The following PPT2 variants were observed in gnomAD, a reference collection of about 807,000 sequenced individuals.
PPT2 encodes lysosomal thioesterase PPT2.
PPT2 carries 20 observed loss-of-function variants against 37.3 expected under a neutral mutation model. That is an observed-to-expected ratio of 0.54 (90% CI 0.38 to 0.78). The LOEUF is 0.78. PPT2 is among the 30% of genes least tolerant of loss of function. The pLI, the probability that PPT2 is intolerant of heterozygous loss-of-function variation, is 0.00. For synonymous variants in PPT2, 135 were observed against 159.1 expected, an observed-to-expected ratio of 0.85 and a Z score of 1.14; for missense variants, 270 against 389.8, an observed-to-expected ratio of 0.69 and a Z score of 2.59.
rs1783697125 is a variant in PPT2 at position 32,155,367 on chromosome 6, G to C, written c.337+184G>C. On this transcript the variant is annotated intron_variant, in intron 3 of 8. Transcript: ENST00000324816. This position sits in a 1 kb window ranked among gnomAD's most constrained non-coding sequence, Gnocchi z 4.3. Reference sequence around the variant, plus strand: ...CATCTCTGTCTTGAATGGGAGGGAGGCTCCCTACACTGCTGCCCTTTTGCT... The same window carrying C: ...CATCTCTGTCTTGAATGGGAGGGAGCCTCCCTACACTGCTGCCCTTTTGCT... Among the ~76,000 whole-genome samples, 1 of 151,716 alleles carries C rather than the reference G, an allele frequency of 6.6e-6. No individual in the cohort carries two copies.
Position 32,157,890 on chromosome 6 carries a change from C to A in PPT2, c.676C>A (p.Pro226Thr). Residue 226 changes from proline to threonine, a missense_variant, in exon 7 of 9, where the codon CCT (proline) becomes ACT (threonine). Physicochemically the swap from Pro to Thr is conservative, Grantham distance 38. Coordinates refer to ENST00000324816, the MANE Select transcript of PPT2 (RefSeq NM_005155.7). ...GGGCCACCTGGTGCTGATTGGGGGC[C>A]CTGATGATGGTGTTATTACTCCCTG... ...RVGHLVLIGGPDDGVITPWQS... is the reference protein window; with the variant it reads ...RVGHLVLIGGTDDGVITPWQS... 6.2e-7 allele frequency: 1 copy of A among 1,612,714 alleles called. No individual in the cohort carries two copies. The highest frequency in any genetic ancestry group is 8.5e-7 in the Non-Finnish European group (1 of 1,179,766).
rs528752823 is a variant in PPT2 at position 32,162,882 on chromosome 6, A to G, written c.841A>G (p.Ile281Val). ...CATAGTGAGGTGTCCAATGGCCGGT[A>G]TCTCCCACACAGCCTGGCACTCCAA... is the stretch of plus-strand genomic sequence containing the variant. ...GAIVRCPMAGISHTAWHSNRT... is the reference protein window; with the variant it reads ...GAIVRCPMAGVSHTAWHSNRT... The change falls in exon 9 of 9, where the codon ATC becomes GTC. Residue 281 changes from isoleucine to valine, a missense_variant. Transcript: ENST00000324816. The surrounding 1 kb of genome is among the most constrained non-coding windows in gnomAD (Gnocchi z 5.5). 1.9e-6 allele frequency: 3 copies of G among 1,613,928 alleles called. No individual in the cohort carries two copies. The highest frequency in any genetic ancestry group is 2.7e-5 in the African/African-American group (2 of 75,028).
chr6:32,162,777 T>G lies in PPT2; in HGVS notation c.766-30T>G, dbSNP rs751389143. The stretch of plus-strand genomic sequence containing the variant: ...TGTCTCTCCTTGTGTCTCTCTTCCA[T>G]GCTTCCACGCCCCTTCGACCACCTT... On this transcript the variant is annotated intron_variant, in intron 8 of 8. Transcript: ENST00000324816. This position sits in a 1 kb window ranked among gnomAD's most constrained non-coding sequence, Gnocchi z 5.5. 5 of 1,610,684 alleles carry G rather than the reference T, an allele frequency of 3.1e-6. No individual in the cohort carries two copies. Among genetic ancestry groups the G allele is most frequent in the Non-Finnish European group, 4.2e-6 (5 of 1,177,950 alleles).
intron 7 of PPT2, 150 bp downstream of exon 7, chr6:32,158,074 G>A: frequency 1.5e-6 from 1 of 665,124 alleles, no homozygotes; most frequent in East Asian, 2.7e-5. Context: ...CCAAAACCTG[G>A]GAGTCATATC....
At position 32,154,417 on chromosome 6, in the gene PPT2, G is replaced by C; in HGVS notation, c.-9+13G>C. 1 of 1,457,974 alleles carries C rather than the reference G, an allele frequency of 6.9e-7. No homozygotes were observed. Among genetic ancestry groups the C allele is most frequent in the Non-Finnish European group, 9.0e-7 (1 of 1,111,814 alleles). 90.3% of individuals were successfully genotyped at this position (1,457,974 alleles called of 1,614,324 possible). A position where few individuals can be genotyped will look rare whatever the true frequency, so the allele number is the denominator to read the frequency against. Reference sequence around the variant, plus strand: ...CGGGTGCGCGTTGGTGCGTCAACGTGGTGGGGGGGTGTGTTTGTAGGGAGA... The same window carrying C: ...CGGGTGCGCGTTGGTGCGTCAACGTCGTGGGGGGGTGTGTTTGTAGGGAGA... On this transcript the variant is annotated intron_variant, in intron 1 of 8. Transcript: ENST00000324816. The surrounding 1 kb of genome is among the most constrained non-coding windows in gnomAD (Gnocchi z 7.3).
Position 32,155,718 on chromosome 6 carries a change from T to A in PPT2, c.368T>A (p.Val123Asp), listed in dbSNP as rs762231614. ...CTTGTGTGCCGGGCTCTGCTTTCTG[T>A]CATGGATGATCACAACGTGGATTCT... Reference protein sequence around the residue: ...GGLVCRALLSVMDDHNVDSFI... With the variant: ...GGLVCRALLSDMDDHNVDSFI... Residue 123 changes from valine (V) to aspartate (D), a missense_variant, in exon 4 of 9, where the codon GTC (valine) becomes GAC (aspartate). Coordinates refer to ENST00000324816, the MANE Select transcript of PPT2 (RefSeq NM_005155.7). The surrounding 1 kb of genome is among the most constrained non-coding windows in gnomAD (Gnocchi z 4.3). 6.2e-7 allele frequency: 1 copy of A among 1,614,062 alleles called. No homozygotes were observed. The highest frequency in any genetic ancestry group is 1.1e-5 in the South Asian group (1 of 91,086).
chr6:32,154,891 G>T lies in PPT2; in HGVS notation c.183+114G>T. 1 of 1,527,152 alleles carries T rather than the reference G, an allele frequency of 6.5e-7. No individual in the cohort carries two copies. The highest frequency in any genetic ancestry group is 8.9e-7 in the Non-Finnish European group (1 of 1,121,958). The allele number at this position is 1,527,152 out of a possible 1,614,324, so 94.6% of individuals were successfully genotyped here. ...GGCCTGCCCAGTTCCTCAGGGAGCT[G>T]GTGCTGGCGTGGGGGAGAGTTGGGG... is the stretch of plus-strand genomic sequence containing the variant. On this transcript the variant is annotated intron_variant, in intron 2 of 8. Transcript: ENST00000324816. This position sits in a 1 kb window ranked among gnomAD's most constrained non-coding sequence, Gnocchi z 7.3.
Position 32,155,181 on chromosome 6 carries a change from AG to A in PPT2, c.337+1del. On this transcript the variant is annotated frameshift_variant and splice_region_variant, in exon 3 of 9. Coordinates refer to ENST00000324816, the MANE Select transcript of PPT2 (RefSeq NM_005155.7). LOFTEE classifies it high-confidence loss of function. This position sits in a 1 kb window ranked among gnomAD's most constrained non-coding sequence, Gnocchi z 4.3. ...PQGVHLICYS[Q>X]GGLVCRALLS... ...GGGGTGCATCTCATCTGCTACTCGC[AG>A]GGTAGGCGACTCCCCTGCCCCTAAC... 4 of 1,613,034 alleles carry A rather than the reference AG, an allele frequency of 2.5e-6. No homozygotes were observed. The highest frequency in any genetic ancestry group is 3.4e-6 in the Non-Finnish European group (4 of 1,179,960).
chr6:32,154,035 T>A, upstream of PPT2: 2 of 1,163,072 alleles, frequency 1.7e-6, no homozygotes, highest in Non-Finnish European at 2.1e-6. The surrounding 1 kb of genome is among the most constrained non-coding windows in gnomAD (Gnocchi z 7.3). Flanking sequence ...TTGCCCCTCC[T>A]GTCCTGGGTC....
intron 5 of PPT2, chr6:32,157,401 C>T (rs1783868727): frequency 5.3e-6 from 3 of 569,040 alleles, no homozygotes; most frequent in Non-Finnish European, 9.4e-6. Context: ...TTAGTAGAGA[C>T]AGGGTTTCGC....
rs928513192 is a variant in PPT2 at position 32,156,397 on chromosome 6, C to T, written c.541+419C>T. On this transcript the variant is annotated intron_variant, in intron 5 of 8. Coordinates refer to ENST00000324816, the MANE Select transcript of PPT2 (RefSeq NM_005155.7). This position sits in a 1 kb window ranked among gnomAD's most constrained non-coding sequence, Gnocchi z 4.9. ...CTGGGATTACAGGTGTGAACCATTG[C>T]ACCTGGCCCAGAATGTTTTAAGTGT... Among the ~76,000 whole-genome samples, 2 of 152,220 alleles carry T rather than the reference C, an allele frequency of 1.3e-5. No homozygotes were observed. Among genetic ancestry groups the T allele is most frequent in the African/African-American group, 4.8e-5 (2 of 41,450 alleles).
intron 7 of PPT2, chr6:32,158,235 A>C: frequency 9.5e-6 from 3 of 314,960 alleles, no homozygotes; most frequent in South Asian, 8.2e-5. Context: ...AAGGCCCTTC[A>C]CCCAGCTTCC....
chr6:32,159,517 T>G (rs1316681556), intron 7 of PPT2, among the ~76,000 whole-genome samples: 1 of 144,760 alleles, frequency 6.9e-6, no homozygotes, highest in Non-Finnish European at 1.5e-5. Flanking sequence ...AGGCTTTTGA[T>G]TTTTTTTTTT....
chr6:32,155,076 G>C lies in PPT2; in HGVS notation c.230G>C (p.Arg77Thr). The C allele has an allele frequency of 1.2e-6, 2 of 1,613,162 alleles. No homozygotes were observed. The highest frequency in any genetic ancestry group is 1.1e-5 in the South Asian group (1 of 91,086). The change falls in exon 3 of 9, where the codon AGA becomes ACA. Residue 77 changes from arginine (R) to threonine (T), a missense_variant. Transcript: ENST00000324816. The surrounding 1 kb of genome is among the most constrained non-coding windows in gnomAD (Gnocchi z 4.3). ...ACAGTGCTCGATCTCTTCGATGGGAGAGAGAGCTTGCGACCCCTGTGGGAA... is the reference window on the plus strand; with the variant it reads ...ACAGTGCTCGATCTCTTCGATGGGACAGAGAGCTTGCGACCCCTGTGGGAA... ...VVTVLDLFDG[R>T]ESLRPLWEQV...
rs1294707968 is a variant in PPT2, at chr6:32,155,981, G to A, written c.541+3G>A. On this transcript the variant is annotated splice_donor_region_variant and intron_variant, in intron 5 of 8. Coordinates refer to ENST00000324816, the MANE Select transcript of PPT2 (RefSeq NM_005155.7). This position sits in a 1 kb window ranked among gnomAD's most constrained non-coding sequence, Gnocchi z 4.3. ...CTCCATCTGCAACTACTGGCATGGT[G>A]AGTGGGGATGCTGAACTGGGGCTTC... 2 of 1,607,254 alleles carry A rather than the reference G, an allele frequency of 1.2e-6. No homozygotes were observed. The highest frequency in any genetic ancestry group is 1.7e-6 in the Non-Finnish European group (2 of 1,173,880).
intron 5 of PPT2, 124 bp from the exon 6 acceptor site, chr6:32,157,513 T>C: frequency 1.2e-6 from 1 of 823,940 alleles, no homozygotes; most frequent in Admixed American, 2.0e-5. Flanking sequence ...GCACCTGGCC[T>C]ACATTATCAC....
chr6:32,157,852 A>C lies in PPT2; in HGVS notation c.638A>C (p.Asn213Thr). Residue 213 changes from asparagine (N) to threonine (T), a missense_variant, in exon 7 of 9, where the codon AAC (asparagine) becomes ACC (threonine). Coordinates refer to ENST00000324816, the MANE Select transcript of PPT2 (RefSeq NM_005155.7). Reference protein sequence around the residue: ...DHPNATVWRKNFLRVGHLVLI... With the variant: ...DHPNATVWRKTFLRVGHLVLI... ...TCCCATCCTACAGTATGGCGGAAGA[A>C]CTTTCTGCGTGTGGGCCACCTGGTG... 6.2e-7 allele frequency: 1 copy of C among 1,612,774 alleles called. No individual in the cohort carries two copies. The highest frequency in any genetic ancestry group is 8.5e-7 in the Non-Finnish European group (1 of 1,179,784).
intron 7 of PPT2, among the ~76,000 whole-genome samples, chr6:32,160,838 A>G (rs1007134908): frequency 4.6e-5 from 7 of 151,974 alleles, no homozygotes; most frequent in Non-Finnish European, 8.8e-5. Context: ...AAATACAAAA[A>G]TTAGCTGGGC....
chr6:32,158,839 C>T (rs1052954035), intron 7 of PPT2, among the ~76,000 whole-genome samples: 8 of 152,092 alleles, frequency 5.3e-5, no homozygotes, highest in Non-Finnish European at 8.8e-5. Context: ...CCCTGAAGCA[C>T]GTGTGAGCAA....
Sources: allele counts gnomAD v4.1 joint callset (sites outside exome capture counted in the v4.1 genomes callset), GRCh38; gene constraint gnomAD v4.1.1; non-coding constraint Gnocchi (gnomAD v3.1); transcripts MANE v1.5; gene names NCBI Gene and HGNC (gene_info 2026-07-23, HGNC 2026-07-21).